The following FIGN variants were observed in gnomAD, a reference collection of about 807,000 sequenced individuals.
The protein encoded by FIGN is fidgetin, microtubule severing factor, also known as fidgetin.
FIGN carries 11 observed loss-of-function variants against 51.3 expected under a neutral mutation model. The observed-to-expected ratio is 0.21, with a 90% CI of 0.13 to 0.35. FIGN has a LOEUF of 0.35. FIGN is among the 10% of genes least tolerant of loss of function. The pLI is 1.00. For missense variants in FIGN, 857 were observed against 943.6 expected, an observed-to-expected ratio of 0.91 and a Z score of 1.20; for synonymous variants, 407 against 363.2, an observed-to-expected ratio of 1.12 and a Z score of -1.37.
chr2:163,664,504 CT>C (rs1573936195), intron 2 of FIGN, among the ~76,000 whole-genome samples: 2 of 152,272 alleles, frequency 1.3e-5, no homozygotes, highest in East Asian at 3.9e-4. Flanking sequence ...CTTTCCCCGT[CT>C]ATTTATTAAT....
intron 2 of FIGN, among the ~76,000 whole-genome samples, chr2:163,726,909 A>T (rs1684846594): frequency 6.6e-6 from 1 of 152,116 alleles, no homozygotes; most frequent in African/African-American, 2.4e-5. Context: ...TGTTTATTTC[A>T]TAGTATTTGT....
rs200912122 is a variant in FIGN at position 163,680,857 on chromosome 2, GA to G, written c.25+54045del. On this transcript the variant is annotated intron_variant, in intron 2 of 2. Coordinates refer to ENST00000333129, the MANE Select transcript of FIGN (RefSeq NM_018086.4). ...TAGATTCTGAGCTCCCTAACAGAAA[GA>G]AAAAAAAAATGCCTTATTAGTTCTG... Among the ~76,000 whole-genome samples the G allele has an allele frequency of 2.9e-4, 43 of 147,710 alleles. 1 individual carries two copies. The South Asian group carries it at 3.9e-3, about 13-fold the overall frequency.
intron 2 of FIGN, among the ~76,000 whole-genome samples, chr2:163,637,676 T>G (rs1415532645): frequency 6.6e-6 from 1 of 152,196 alleles, no homozygotes; most frequent in Non-Finnish European, 1.5e-5. Context: ...ACTTTTTTTT[T>G]TTTTGCTATT....
intron 2 of FIGN, among the ~76,000 whole-genome samples, chr2:163,682,758 T>G (rs1277160782): frequency 6.6e-6 from 1 of 152,210 alleles, no homozygotes; most frequent in Non-Finnish European, 1.5e-5. Context: ...AACAAATATT[T>G]GCTGAACACC....
chr2:163,643,847 G>A (rs1243241873), intron 2 of FIGN, among the ~76,000 whole-genome samples: 41 of 147,508 alleles, frequency 2.8e-4, no homozygotes, highest in Admixed American at 2.8e-3. Flanking sequence ...CAGGACAATC[G>A]CTTGAAGCCG....
intron 2 of FIGN, among the ~76,000 whole-genome samples, chr2:163,687,012 TACACAC>T (rs547589971): frequency 1.4e-5 from 2 of 147,694 alleles, no homozygotes; most frequent in Non-Finnish European, 3.0e-5. Flanking sequence ...TGAGATTGTG[TACACAC>T]ACACACACAC....
chr2:163,628,996 CT>C (rs1213938693), intron 2 of FIGN, among the ~76,000 whole-genome samples: 1 of 152,082 alleles, frequency 6.6e-6, no homozygotes, highest in Non-Finnish European at 1.5e-5. Flanking sequence ...AGAGTTTTAG[CT>C]TGTACAAGCA....
At chr2:163,733,711 G>C (rs1002483294) in intron 2 of FIGN, among the ~76,000 whole-genome samples, 3 of 152,192 alleles carry the variant, frequency 2.0e-5, no homozygotes, top group Non-Finnish European at 2.9e-5. Context: ...AGTGTGGTGT[G>C]TATTTAGCTC....
intron 2 of FIGN, among the ~76,000 whole-genome samples, chr2:163,685,169 C>T (rs1461380337): frequency 6.6e-6 from 1 of 152,128 alleles, no homozygotes; most frequent in Non-Finnish European, 1.5e-5. Flanking sequence ...GTTTCATTTA[C>T]TTAGCTAGGT....
intron 2 of FIGN, among the ~76,000 whole-genome samples, chr2:163,643,309 C>T (rs181184003): frequency 4.6e-5 from 7 of 152,108 alleles, no homozygotes; most frequent in Non-Finnish European, 8.8e-5. Flanking sequence ...GGTGATAGGA[C>T]AAGTAGGTAG....
chr2:163,700,760 A>G (rs1415252712), intron 2 of FIGN, among the ~76,000 whole-genome samples: 1 of 152,150 alleles, frequency 6.6e-6, no homozygotes, highest in Non-Finnish European at 1.5e-5. Context: ...GAAAGCAGAG[A>G]GAAGTCTAGT....
Position 163,610,734 on chromosome 2 carries a change from G to C in FIGN, c.1098C>G (p.Asp366Glu). The change falls in exon 3 of 3, where the codon GAC (aspartate) becomes GAG (glutamate). Residue 366 changes from aspartate (D) to glutamate (E), a missense_variant. This residue lies in a region of FIGN where 799 missense variants were observed against 849.5 expected (regional missense o/e 0.94). Transcript: ENST00000333129. ...CTAAGGATGATGTTTCAGCACTTCT[G>C]TCAAAGCCATTCCCCCGATTTGTGT... ...ISNTNRGNGFDRSAETSSLAF... is the reference protein window; with the variant it reads ...ISNTNRGNGFERSAETSSLAF... 1 of 1,614,180 alleles carries C rather than the reference G, an allele frequency of 6.2e-7. No homozygotes were observed. Among genetic ancestry groups the C allele is most frequent in the Non-Finnish European group, 8.5e-7 (1 of 1,180,030 alleles).
At chr2:163,618,642 A>AT (rs1682917812) in intron 2 of FIGN, among the ~76,000 whole-genome samples, 1 of 151,752 alleles carries the variant, frequency 6.6e-6, no homozygotes. Context: ...CATATTTCCC[A>AT]TTTTTCAGAC....
intron 2 of FIGN, among the ~76,000 whole-genome samples, chr2:163,720,122 C>A (rs1684733352): frequency 6.6e-6 from 1 of 152,130 alleles, no homozygotes; most frequent in Non-Finnish European, 1.5e-5. Flanking sequence ...TCTGGGGCTA[C>A]AGAATAAGCC....
At chr2:163,668,881 C>G (rs1387194901) in intron 2 of FIGN, among the ~76,000 whole-genome samples, 3 of 151,682 alleles carry the variant, frequency 2.0e-5, no homozygotes, top group African/African-American at 7.3e-5. Flanking sequence ...GCGGAGCTTG[C>G]AGTGAGCAGA....
At chr2:163,729,166 A>C (rs907563463) in intron 2 of FIGN, among the ~76,000 whole-genome samples, 9 of 152,316 alleles carry the variant, frequency 5.9e-5, no homozygotes, top group African/African-American at 1.9e-4. Flanking sequence ...ACATAAGGCA[A>C]ACAGTTGAAT....
chr2:163,641,046 C>A (rs1683298230), intron 2 of FIGN, among the ~76,000 whole-genome samples: 2 of 152,154 alleles, frequency 1.3e-5, no homozygotes, highest in Admixed American at 6.5e-5. Flanking sequence ...TAGGATGACA[C>A]CAACTCTTAA....
intron 2 of FIGN, among the ~76,000 whole-genome samples, chr2:163,669,429 T>C (rs192646082): frequency 9.7e-4 from 148 of 152,320 alleles, no homozygotes; most frequent in African/African-American, 3.4e-3. Context: ...TTGCCCAGGC[T>C]TACTTCAGCT....
chr2:163,626,949 C>T (rs1052088121), intron 2 of FIGN, among the ~76,000 whole-genome samples: 1 of 152,064 alleles, frequency 6.6e-6, no homozygotes, highest in African/African-American at 2.4e-5. Flanking sequence ...AATGCCTTGC[C>T]AACGTCAGGA....
Sources: allele counts gnomAD v4.1 joint callset (sites outside exome capture counted in the v4.1 genomes callset), GRCh38; gene constraint gnomAD v4.1.1; regional missense constraint gnomAD v4.1.1; transcripts MANE v1.5; gene names NCBI Gene and HGNC (gene_info 2026-07-23, HGNC 2026-07-21).